The following TNIK variants were observed in gnomAD, a reference collection of about 807,000 sequenced individuals.
TNIK encodes TRAF2 and NCK-interacting protein kinase.
A neutral mutation model predicts 191.3 loss-of-function variants in TNIK; 49 were observed. That is an observed-to-expected ratio of 0.26 (90% CI 0.20 to 0.32). The LOEUF (loss-of-function observed/expected upper bound fraction) is 0.32, where lower values mean the gene tolerates loss of function less well. TNIK is among the 10% of genes least tolerant of loss of function. The pLI is 1.00. For missense variants in TNIK, 1,155 were observed against 1,702.3 expected (o/e 0.68, Z 5.66); for synonymous variants, 594 against 600.9 (o/e 0.99, Z 0.17).
At position 171,288,320 on chromosome 3, in the gene TNIK, TA is replaced by T. The variant is rs76914464; in HGVS notation, c.124-60100del. On this transcript the variant is annotated intron_variant, in intron 2 of 32. Transcript: ENST00000436636. ...GTACCCTAAAACTTAAAGTATAATT[TA>T]AAAAAAAAAAAAAAGAAAATATTTG... 7.8e-3 allele frequency among the ~76,000 whole-genome samples: 1,078 copies of T among 138,304 alleles called. 4 individuals carry two copies. The highest frequency in any genetic ancestry group is 0.016 in the African/African-American group (614 of 38,158). 90.7% of individuals were successfully genotyped at this position (138,304 alleles called of 152,430 possible).
At chr3:171,138,466 G>A in intron 14 of TNIK, 87 bp from the exon 15 acceptor site, 1 of 1,248,512 alleles carries the variant, frequency 8.0e-7, no homozygotes, top group South Asian at 1.9e-5. Context: ...ATGCAATGGA[G>A]GCAAAATAAT....
rs760411180 is a variant in TNIK, at chr3:171,101,600, G to A, written c.2440C>T (p.Leu814Phe). 6 of 1,613,216 alleles carry A rather than the reference G, an allele frequency of 3.7e-6. No individual in the cohort carries two copies. Among genetic ancestry groups the A allele is most frequent in the Admixed American group, 1.7e-5 (1 of 59,944 alleles). Residue 814 changes from leucine (L) to phenylalanine (F), a missense_variant, in exon 22 of 33, where the codon CTC becomes TTC. Transcript: ENST00000436636. ...LTALAKELRELRIEETNRPMK... is the reference protein window; with the variant it reads ...LTALAKELREFRIEETNRPMK... Reference sequence around the variant, plus strand: ...GGGCGGTTTGTTTCTTCAATCCGGAGTTCTCTTAGTTCTTTGGCTAATGCC... The same window carrying A: ...GGGCGGTTTGTTTCTTCAATCCGGAATTCTCTTAGTTCTTTGGCTAATGCC...
intron 2 of TNIK, among the ~76,000 whole-genome samples, chr3:171,359,597 C>T (rs56215045): frequency 6.6e-6 from 1 of 152,062 alleles, no homozygotes; most frequent in Admixed American, 6.5e-5. Context: ...TTGTAATGAC[C>T]CCATTCTAGA....
chr3:171,087,123 C>A (rs1265232982), intron 24 of TNIK, among the ~76,000 whole-genome samples: 5 of 152,198 alleles, frequency 3.3e-5, no homozygotes, highest in Non-Finnish European at 7.3e-5. Flanking sequence ...GTACACTCAT[C>A]TGTAGAAACA....
At chr3:171,143,694 C>T (rs1731159631) in intron 12 of TNIK, among the ~76,000 whole-genome samples, 1 of 152,176 alleles carries the variant, frequency 6.6e-6, no homozygotes, top group Non-Finnish European at 1.5e-5. Context: ...CTCTGTTCCA[C>T]TTGTTTTTAT....
At chr3:171,231,184 G>C (rs61792434) in intron 2 of TNIK, among the ~76,000 whole-genome samples, 1 of 152,174 alleles carries the variant, frequency 6.6e-6, no homozygotes, top group Non-Finnish European at 1.5e-5. Context: ...TAAAAGTGAC[G>C]TGTGTTACAT....
At chr3:171,301,314 C>CTTTT (rs36084093) in intron 2 of TNIK, among the ~76,000 whole-genome samples, 12 of 133,688 alleles carry the variant, frequency 9.0e-5, no homozygotes, top group Admixed American at 4.5e-4. Flanking sequence ...ACTAGCTGGA[C>CTTTT]TTTTTTTTTT....
At chr3:171,417,705 A>G (rs1225320373) in intron 1 of TNIK, among the ~76,000 whole-genome samples, 2 of 152,158 alleles carry the variant, frequency 1.3e-5, no homozygotes, top group East Asian at 3.8e-4. Context: ...CTGAACTTCA[A>G]TAAGTATGTT....
At chr3:171,234,121 G>A (rs1743985621) in intron 2 of TNIK, among the ~76,000 whole-genome samples, 2 of 152,126 alleles carry the variant, frequency 1.3e-5, no homozygotes, top group South Asian at 4.1e-4. Context: ...GAGACTAAAG[G>A]TTAGTTAATA....
At chr3:171,073,845 C>CA (rs562403849) in intron 28 of TNIK, among the ~76,000 whole-genome samples, 3,789 of 97,828 alleles carry the variant, frequency 0.039, 111 homozygotes, top group African/African-American at 0.094. Context: ...ACTAAAAGGT[C>CA]AAAAAAAAAA....
At position 171,194,506 on chromosome 3, in the gene TNIK, G is replaced by T; in HGVS notation, c.417+19C>A. On this transcript the variant is annotated intron_variant, in intron 5 of 32. Coordinates refer to ENST00000436636, the MANE Select transcript of TNIK (RefSeq NM_015028.4). The stretch of plus-strand genomic sequence containing the variant: ...CTTGAAGACTTTGGGAGGTGGGCCA[G>T]TCCCCACTCGTAACCTACCCGTAAG... 4 of 1,605,668 alleles carry T rather than the reference G, an allele frequency of 2.5e-6. No individual in the cohort carries two copies. The highest frequency in any genetic ancestry group is 3.4e-6 in the Non-Finnish European group (4 of 1,173,334).
At chr3:171,072,318 G>C (rs924077070) in intron 28 of TNIK, among the ~76,000 whole-genome samples, 2 of 152,112 alleles carry the variant, frequency 1.3e-5, no homozygotes, top group East Asian at 3.8e-4. Context: ...TAAGTTTCCA[G>C]TTACTTGCTT....
chr3:171,319,550 T>C (rs754075677), intron 2 of TNIK, among the ~76,000 whole-genome samples: 1 of 152,192 alleles, frequency 6.6e-6, no homozygotes, highest in Non-Finnish European at 1.5e-5. Context: ...TTCATTGAGG[T>C]TAGCAGGTTG....
In TNIK at chr3:171,185,177, C is replaced by CTGTGTG. The variant is rs879495222; in HGVS notation, c.639+3524_639+3525insCACACA. On this transcript the variant is annotated intron_variant, in intron 7 of 32. Transcript: ENST00000436636. ...TTTTTCCAGGTTCTTTATAGATTTCCCGTGTGTGTGTGTGTGTGTGTGTGT... is the reference window on the plus strand; with the variant it reads ...TTTTTCCAGGTTCTTTATAGATTTCCTGTGTGCGTGTGTGTGTGTGTGTGTGTGTGT... 5.4e-3 allele frequency among the ~76,000 whole-genome samples: 639 copies of CTGTGTG among 118,032 alleles called. 5 individuals are homozygous for CTGTGTG. The highest frequency in any genetic ancestry group is 0.018 in the African/African-American group (467 of 25,642). 77.4% of individuals were successfully genotyped at this position (118,032 alleles called of 152,430 possible).
intron 2 of TNIK, among the ~76,000 whole-genome samples, chr3:171,248,823 G>A (rs1745905731): frequency 6.6e-6 from 1 of 152,214 alleles, no homozygotes; most frequent in African/African-American, 2.4e-5. Flanking sequence ...CAACATCACA[G>A]CTGGTTAATG....
chr3:171,080,168 G>C (rs866946031), intron 27 of TNIK, among the ~76,000 whole-genome samples: 6 of 151,832 alleles, frequency 4.0e-5, no homozygotes, highest in Non-Finnish European at 7.4e-5. Flanking sequence ...ACAAAAATAG[G>C]AAAAAAAGGA....
chr3:171,108,012 TGGGTTC>T, intron 20 of TNIK, 47 bp downstream of exon 20: 1 of 1,534,536 alleles, frequency 6.5e-7, no homozygotes, highest in South Asian at 1.2e-5. Flanking sequence ...CTTAATCCTG[TGGGTTC>T]TCTGGTAAAT....
chr3:171,243,719 G>T (rs1745251209), intron 2 of TNIK, among the ~76,000 whole-genome samples: 1 of 152,086 alleles, frequency 6.6e-6, no homozygotes, highest in South Asian at 2.1e-4. Context: ...ACTCCTAGAG[G>T]AAGGTTTATA....
chr3:171,369,240 A>G (rs2108491514), intron 2 of TNIK, among the ~76,000 whole-genome samples: 1 of 152,268 alleles, frequency 6.6e-6, no homozygotes, highest in African/African-American at 2.4e-5. Flanking sequence ...CCAATAACAC[A>G]TCTACTTTTC....
Sources: gnomAD v4.1 joint callset for allele counts (sites outside exome capture counted in the v4.1 genomes callset) on GRCh38, gnomAD v4.1.1 for gene constraint, MANE v1.5 for transcripts, NCBI Gene and HGNC (gene_info 2026-07-23, HGNC 2026-07-21) for gene names.